The following GOSR1 variants were observed in gnomAD, a reference collection of about 807,000 sequenced individuals.
GOSR1 encodes the protein golgi SNAP receptor complex member 1, also known as 28 kDa Golgi SNARE protein.
Under a neutral mutation model 35.5 loss-of-function variants are expected in GOSR1, and 21 were observed. The observed-to-expected ratio is 0.59, with a 90% CI of 0.42 to 0.85. The LOEUF (loss-of-function observed/expected upper bound fraction) is 0.85. Ranked by LOEUF, GOSR1 falls within the 40% of genes least tolerant of loss-of-function variation. The pLI, the probability that GOSR1 is intolerant of heterozygous loss-of-function variation, is 0.00. For missense variants in GOSR1, 285 were observed against 309.6 expected (o/e 0.92, Z 0.60); for synonymous variants, 94 against 106.6 (o/e 0.88, Z 0.73).
At position 30,484,306 on chromosome 17, in the gene GOSR1, G is replaced by T. The variant is rs1914538643; in HGVS notation, c.234+5G>T. The T allele has an allele frequency of 6.5e-7, 1 of 1,545,832 alleles. No individual in the cohort carries two copies. The highest frequency in any genetic ancestry group is 8.9e-7 in the Non-Finnish European group (1 of 1,117,688). ...ATTGAACAACTTTTGGCAAGGGTAAGTGCTTTCTGTTAAATGGCTATTTTG... is the reference window on the plus strand; with the variant it reads ...ATTGAACAACTTTTGGCAAGGGTAATTGCTTTCTGTTAAATGGCTATTTTG... On this transcript the variant is annotated splice_donor_5th_base_variant and intron_variant, in intron 3 of 8. Coordinates refer to ENST00000451249, the MANE Select transcript of GOSR1 (RefSeq NM_001007025.2).
At chr17:30,507,186 G>A (rs1221752424) in intron 6 of GOSR1, among the ~76,000 whole-genome samples, 1 of 152,148 alleles carries the variant, frequency 6.6e-6, no homozygotes, top group Non-Finnish European at 1.5e-5. Flanking sequence ...GGCTAAAGCT[G>A]CCATAGATAG....
At chr17:30,484,389 A>G in intron 3 of GOSR1, 88 bp downstream of exon 3, 2 of 831,916 alleles carry the variant, frequency 2.4e-6, no homozygotes, top group Non-Finnish European at 4.3e-6. Context: ...AGACATGTTT[A>G]TTGAAATTAT....
intron 6 of GOSR1, among the ~76,000 whole-genome samples, chr17:30,498,932 ACT>A (rs1204282489): frequency 1.3e-5 from 2 of 151,944 alleles, no homozygotes; most frequent in East Asian, 1.9e-4. Context: ...AAATATATAG[ACT>A]CTTTTAACCG....
chr17:30,502,879 G>T (rs1967265891), intron 6 of GOSR1, among the ~76,000 whole-genome samples: 1 of 152,206 alleles, frequency 6.6e-6, no homozygotes, highest in African/African-American at 2.4e-5. Flanking sequence ...TAATTGAAGA[G>T]ATTAAATAAG....
At chr17:30,500,716 A>G (rs893690791) in intron 6 of GOSR1, among the ~76,000 whole-genome samples, 2 of 152,136 alleles carry the variant, frequency 1.3e-5, no homozygotes, top group African/African-American at 4.8e-5. Context: ...TCTGGGTCCT[A>G]TGCACTTCCA....
intron 7 of GOSR1, among the ~76,000 whole-genome samples, chr17:30,514,013 C>T (rs1305304122): frequency 6.6e-6 from 1 of 152,214 alleles, no homozygotes; most frequent in Non-Finnish European, 1.5e-5. Flanking sequence ...TTACTTTATA[C>T]AAGACCATAG....
intron 3 of GOSR1, 143 bp downstream of exon 3, chr17:30,484,444 G>T: frequency 1.5e-6 from 1 of 676,278 alleles, no homozygotes; most frequent in Non-Finnish European, 2.7e-6. Context: ...CTTGAATTTT[G>T]ATGACAGCCA....
intron 6 of GOSR1, among the ~76,000 whole-genome samples, chr17:30,504,187 C>T (rs749209919): frequency 9.2e-5 from 14 of 152,096 alleles, no homozygotes; most frequent in East Asian, 1.9e-4. Flanking sequence ...CCACCACGCC[C>T]GTCTAATTTT....
chr17:30,502,645 G>T (rs548426164), intron 6 of GOSR1, among the ~76,000 whole-genome samples: 17 of 152,100 alleles, frequency 1.1e-4, no homozygotes, highest in Non-Finnish European at 2.4e-4. Flanking sequence ...AAATGTTTGT[G>T]CTAAACAACC....
intron 8 of GOSR1, among the ~76,000 whole-genome samples, chr17:30,520,706 G>A (rs1967995175): frequency 6.6e-6 from 1 of 152,150 alleles, no homozygotes; most frequent in Admixed American, 6.5e-5. Flanking sequence ...CAAAGGGGGA[G>A]GAACCTAGAA....
chr17:30,484,890 A>G, intron 4 of GOSR1, 120 bp downstream of exon 4: 1 of 713,584 alleles, frequency 1.4e-6, no homozygotes, highest in Admixed American at 2.0e-5. Flanking sequence ...ATCTGAGAAA[A>G]TAAATGCCAT....
Position 30,490,210 on chromosome 17 carries a change from G to T in GOSR1, c.427G>T (p.Asp143Tyr). The T allele has an allele frequency of 7.0e-7, 1 of 1,436,538 alleles. No homozygotes were observed. Among genetic ancestry groups the T allele is most frequent in the East Asian group, 2.3e-5 (1 of 44,006 alleles). The allele number at this position is 1,436,538 out of a possible 1,614,324, so 89.0% of individuals were successfully genotyped here. Reference sequence around the variant, plus strand: ...GAATCTTATGGGATCAGTACGAAAAGATATTGAGTAAGTTACTTTTTATAT... The same window carrying T: ...GAATCTTATGGGATCAGTACGAAAATATATTGAGTAAGTTACTTTTTATAT... ...RENLMGSVRK[D>Y]IESYKSGSGV... The change falls in exon 5 of 9, where the codon GAT becomes TAT. Residue 143 changes from aspartate to tyrosine, a missense_variant. By Grantham distance (160) the Asp-to-Tyr change is radical. Transcript: ENST00000451249.
At chr17:30,485,204 T>C in intron 4 of GOSR1, 1 of 196,430 alleles carries the variant, frequency 5.1e-6, no homozygotes, top group South Asian at 8.3e-5. Context: ...CCAATAAAAC[T>C]AAATAAACTT....
intron 6 of GOSR1, among the ~76,000 whole-genome samples, chr17:30,494,323 C>CT (rs1243157838): frequency 2.6e-5 from 4 of 152,008 alleles, no homozygotes; most frequent in Non-Finnish European, 5.9e-5. Flanking sequence ...ATTTCTTTTG[C>CT]TATATGGTGG....
intron 4 of GOSR1, among the ~76,000 whole-genome samples, chr17:30,489,420 T>C (rs541407542): frequency 1.2e-4 from 18 of 152,268 alleles, no homozygotes; most frequent in African/African-American, 3.9e-4. Context: ...TGGAAGAAAA[T>C]ACAAAATGAT....
chr17:30,485,360 A>T (rs1342874935), intron 4 of GOSR1, among the ~76,000 whole-genome samples: 1 of 151,734 alleles, frequency 6.6e-6, no homozygotes, highest in African/African-American at 2.4e-5. Context: ...TCAACCTCCC[A>T]AGCTCAAACA....
intron 2 of GOSR1, among the ~76,000 whole-genome samples, chr17:30,482,004 A>G (rs1292968074): frequency 1.3e-5 from 2 of 151,990 alleles, no homozygotes; most frequent in Non-Finnish European, 1.5e-5. Context: ...TAATTAGGCA[A>G]TATTTAAGAC....
At chr17:30,486,637 CAATT>C (rs1261487909) in intron 4 of GOSR1, among the ~76,000 whole-genome samples, 1 of 151,504 alleles carries the variant, frequency 6.6e-6, no homozygotes, top group Non-Finnish European at 1.5e-5. Flanking sequence ...AAGTTAGAAA[CAATT>C]AAATTCAGTA....
rs768427117 is a variant in GOSR1 at position 30,481,157 on chromosome 17, G to C, written c.46G>C (p.Ala16Pro). The stretch of plus-strand genomic sequence containing the variant: ...TTTTGTTAAAGATCTCAGGAAACAG[G>C]CTCGACAGCTGGAAAATGAACTTGA... ...SSYWEDLRKQ[A>P]RQLENELDLK... is the part of the protein sequence containing the mutation. The change falls in exon 2 of 9, where the codon GCT becomes CCT. Residue 16 changes from alanine (A) to proline (P), a missense_variant. Around this residue, in one of 3 missense-constraint regions of GOSR1, gnomAD observed 108 missense variants for 98.9 expected, o/e 1.09. Transcript: ENST00000451249. 1 of 1,597,410 alleles carries C rather than the reference G, an allele frequency of 6.3e-7. No individual in the cohort carries two copies. Among genetic ancestry groups the C allele is most frequent in the Non-Finnish European group, 8.6e-7 (1 of 1,164,856 alleles).
Sources: allele counts gnomAD v4.1 joint callset (sites outside exome capture counted in the v4.1 genomes callset), GRCh38; gene constraint gnomAD v4.1.1; regional missense constraint gnomAD v4.1.1; transcripts MANE v1.5; gene names NCBI Gene and HGNC (gene_info 2026-07-23, HGNC 2026-07-21).